TFB2M: variants seen among roughly 807,000 people sequenced by gnomAD.
TFB2M encodes transcription factor B2, mitochondrial, also known as dimethyladenosine transferase 2, mitochondrial.
A neutral mutation model predicts 41.3 loss-of-function variants in TFB2M; 44 were observed. That is an observed-to-expected ratio of 1.07 (90% CI 0.84 to 1.37). The LOEUF (loss-of-function observed/expected upper bound fraction) is 1.37, where lower values mean the gene tolerates loss of function less well. TFB2M is among the 40% of genes most tolerant of loss of function. TFB2M has a pLI of 0.00. For missense variants in TFB2M, 496 were observed against 490.2 expected (o/e 1.01, Z -0.11); for synonymous variants, 188 against 176.8 (o/e 1.06, Z -0.50).
rs565761182 is a variant in TFB2M, at chr1:246,562,379, A to G, written c.402+1967T>C. On this transcript the variant is annotated intron_variant, in intron 2 of 7. Coordinates refer to ENST00000366514, the MANE Select transcript of TFB2M (RefSeq NM_022366.3). ...ATGTGTCTGCTTTTTAAGAAGCACA[A>G]TCACTGAAAAATCTATTTGGATGAT... 3.9e-5 allele frequency among the ~76,000 whole-genome samples: 6 copies of G among 152,364 alleles called. No individual in the cohort carries two copies. The East Asian group carries it at 7.7e-4, about 20-fold the overall frequency.
chr1:246,565,752 T>C, intron 1 of TFB2M, 74 bp downstream of exon 1: 1 of 1,483,726 alleles, frequency 6.7e-7, no homozygotes, highest in Non-Finnish European at 9.1e-7. Flanking sequence ...GTATCTAAAA[T>C]AGCACCCCGA....
chr1:246,548,847 G>A (rs997428611), intron 5 of TFB2M, among the ~76,000 whole-genome samples: 1 of 151,952 alleles, frequency 6.6e-6, no homozygotes, highest in Non-Finnish European at 1.5e-5. Context: ...ACATGACTTC[G>A]CCTGTTATGC....
Position 246,544,654 on chromosome 1 carries a change from G to A in TFB2M, c.886C>T (p.Leu296=). The part of the protein sequence containing the change: ...RELLDQLQQK[L]YLIQMIPRQN... Reference sequence around the variant, plus strand: ...CGAGGAATCATTTGAATAAGATACAGCTTTTGTTGTAATTGGTCTAATAAT... The same window carrying A: ...CGAGGAATCATTTGAATAAGATACAACTTTTGTTGTAATTGGTCTAATAAT... The change falls in exon 7 of 8, where the codon CTG becomes TTG. Residue 296 remains leucine (L), a synonymous_variant. Coordinates refer to ENST00000366514, the MANE Select transcript of TFB2M (RefSeq NM_022366.3). The A allele has an allele frequency of 6.2e-7, 1 of 1,600,128 alleles. No homozygotes were observed. Among genetic ancestry groups the A allele is most frequent in the Non-Finnish European group, 8.5e-7 (1 of 1,176,640 alleles).
rs768249338 is a variant in TFB2M, at chr1:246,544,540, T to C, written c.1000A>G (p.Thr334Ala). 2.5e-5 allele frequency: 40 copies of C among 1,606,174 alleles called. No homozygotes were observed. In the East Asian group the frequency reaches 4.0e-4, roughly 16 times the overall value. The change falls in exon 7 of 8, where the codon ACT becomes GCT. Residue 334 changes from threonine (T) to alanine (A), a missense_variant. Thr to Ala is a moderately conservative substitution (Grantham distance 58). Coordinates refer to ENST00000366514, the MANE Select transcript of TFB2M (RefSeq NM_022366.3). ...ACTCACCGTAAGTGGTCTATTACAG[T>C]GGCGCTGCGCCTCCCAAAACAGTGC... ...LKHCFGRRSA[T>A]VIDHLRSLTP... is the part of the protein sequence containing the mutation.
At chr1:246,553,149 A>G (rs574173449) in intron 4 of TFB2M, among the ~76,000 whole-genome samples, 1 of 152,294 alleles carries the variant, frequency 6.6e-6, no homozygotes, top group Admixed American at 6.5e-5. Context: ...TTAAACTGGG[A>G]GGCGGAGGTT....
Position 246,564,450 on chromosome 1 carries a change from A to G in TFB2M, c.314-16T>C, listed in dbSNP as rs1242019640. The G allele has an allele frequency of 6.2e-7, 1 of 1,609,902 alleles. No homozygotes were observed. The highest frequency in any genetic ancestry group is 8.5e-7 in the Non-Finnish European group (1 of 1,176,794). ...ATTCCAGGACCTGGCACATTAACAG[A>G]ACGAAAAGTTTATTTGTACAAGAAA... On this transcript the variant is annotated splice_polypyrimidine_tract_variant and intron_variant, in intron 1 of 7. Coordinates refer to ENST00000366514, the MANE Select transcript of TFB2M (RefSeq NM_022366.3).
Position 246,557,551 on chromosome 1 carries a change from A to T in TFB2M, c.403-17T>A. On this transcript the variant is annotated splice_polypyrimidine_tract_variant and intron_variant, in intron 2 of 7. Coordinates refer to ENST00000366514, the MANE Select transcript of TFB2M (RefSeq NM_022366.3). ...TCCTAAGGACTAAAGAGAGACAAAG[A>T]TAACACGTTAAAAATTTTCAGCATT... 1 of 1,548,700 alleles carries T rather than the reference A, an allele frequency of 6.5e-7. No homozygotes were observed. The highest frequency in any genetic ancestry group is 1.3e-5 in the South Asian group (1 of 79,466).
At chr1:246,546,320 GA>G (rs200132271) in intron 6 of TFB2M, among the ~76,000 whole-genome samples, 1 of 146,934 alleles carries the variant, frequency 6.8e-6, no homozygotes, top group East Asian at 2.0e-4. Flanking sequence ...TTTAAAAAAA[GA>G]AAAAAAAATA....
chr1:246,566,196 C>A lies in TFB2M; in HGVS notation c.-58G>T. ...CCTAGTGCAGCTACTACAGTGAACC[C>A]CACGCAGGGTATCCCACGTGGAACA... On this transcript the variant is annotated 5_prime_UTR_variant, in exon 1 of 8. Coordinates refer to ENST00000366514, the MANE Select transcript of TFB2M (RefSeq NM_022366.3). The A allele has an allele frequency of 6.5e-7, 1 of 1,534,062 alleles. No homozygotes were observed. The highest frequency in any genetic ancestry group is 1.4e-5 in the African/African-American group (1 of 72,816).
chr1:246,541,235 T>C (rs749096458), intron 7 of TFB2M, 33 bp from the exon 8 acceptor site: 2 of 1,595,482 alleles, frequency 1.3e-6, no homozygotes, highest in South Asian at 2.2e-5. Context: ...ATGTACTTAA[T>C]TCTTTCTCAT....
intron 1 of TFB2M, among the ~76,000 whole-genome samples, chr1:246,565,363 A>G (rs748196240): frequency 6.6e-6 from 1 of 152,244 alleles, no homozygotes; most frequent in Non-Finnish European, 1.5e-5. Context: ...GTCATTAACG[A>G]TACAGACTCT....
rs1187787685 is a variant in TFB2M at position 246,541,077 on chromosome 1, T to C, written c.1145A>G (p.Asp382Gly). Reference protein sequence around the residue: ...TLFETIERSKDCAYKWLYDET... With the variant: ...TLFETIERSKGCAYKWLYDET... Reference sequence around the variant, plus strand: ...ATCATACAGCCATTTATAAGCACAATCTTTGGAACGCTCTATAGTTTCAAA... The same window carrying C: ...ATCATACAGCCATTTATAAGCACAACCTTTGGAACGCTCTATAGTTTCAAA... Residue 382 changes from aspartate (D) to glycine (G), a missense_variant, in exon 8 of 8, where the codon GAT becomes GGT. Coordinates refer to ENST00000366514, the MANE Select transcript of TFB2M (RefSeq NM_022366.3). The C allele has an allele frequency of 2.5e-6, 4 of 1,613,542 alleles. No homozygotes were observed. In the South Asian group the frequency reaches 4.4e-5, roughly 18 times the overall value.
chr1:246,552,902 T>C (rs952631342), intron 4 of TFB2M, among the ~76,000 whole-genome samples: 1 of 151,614 alleles, frequency 6.6e-6, no homozygotes, highest in African/African-American at 2.4e-5. Context: ...AGTGAGACAC[T>C]GTCTCTATTT....
chr1:246,559,908 AAG>A (rs1248291543), intron 2 of TFB2M, among the ~76,000 whole-genome samples: 23 of 152,302 alleles, frequency 1.5e-4, no homozygotes, highest in African/African-American at 5.3e-4. Context: ...GGAAAACCAG[AAG>A]AGTGTGGTGT....
intron 4 of TFB2M, among the ~76,000 whole-genome samples, chr1:246,555,077 G>A (rs1359967418): frequency 2.6e-5 from 4 of 151,972 alleles, no homozygotes; most frequent in Admixed American, 6.6e-5. Context: ...CAGTCAGTAC[G>A]TACATAAAAA....
At chr1:246,559,705 C>T (rs534149434) in intron 2 of TFB2M, among the ~76,000 whole-genome samples, 268 of 152,186 alleles carry the variant, frequency 1.8e-3, no homozygotes, top group Non-Finnish European at 3.3e-3. Flanking sequence ...GGTAGAGGTG[C>T]CAGGTAGGAA....
At chr1:246,565,343 A>G (rs1659594669) in intron 1 of TFB2M, among the ~76,000 whole-genome samples, 1 of 152,200 alleles carries the variant, frequency 6.6e-6, no homozygotes, top group African/African-American at 2.4e-5. Context: ...CTACAGAAAT[A>G]CTTTGTGGTG....
In TFB2M at chr1:246,565,976, G is replaced by C. The variant is rs368529988; in HGVS notation, c.163C>G (p.Pro55Ala). 1.2e-6 allele frequency: 2 copies of C among 1,614,068 alleles called. No individual in the cohort carries two copies. The highest frequency in any genetic ancestry group is 1.3e-5 in the African/African-American group (1 of 74,922). The change falls in exon 1 of 8, where the codon CCG becomes GCG. Residue 55 changes from proline to alanine, a missense_variant. Coordinates refer to ENST00000366514, the MANE Select transcript of TFB2M (RefSeq NM_022366.3). ...TTCCTTGGCGGATTCCTGAAATCCG[G>C]TTCGGGCCACAGCTGCGGAGAGGAG... ...SDSSPQLWPE[P>A]DFRNPPRKAS...
rs146691019 is a variant in TFB2M at position 246,560,128 on chromosome 1, T to G, written c.403-2594A>C. 1.3e-3 allele frequency among the ~76,000 whole-genome samples: 198 copies of G among 152,264 alleles called. 1 individual carries two copies. Among genetic ancestry groups the G allele is most frequent in the African/African-American group, 4.5e-3 (189 of 41,554 alleles). On this transcript the variant is annotated intron_variant, in intron 2 of 7. Coordinates refer to ENST00000366514, the MANE Select transcript of TFB2M (RefSeq NM_022366.3). ...TTTTTAAGCTCATCAGCCACTGTTC[T>G]TATTACTGTATTTTATGTATGGCCC...
Sources: allele counts gnomAD v4.1 joint callset (sites outside exome capture counted in the v4.1 genomes callset), GRCh38; gene constraint gnomAD v4.1.1; transcripts MANE v1.5; gene names NCBI Gene and HGNC (gene_info 2026-07-23, HGNC 2026-07-21).